GRID2: variants seen among roughly 807,000 people sequenced by gnomAD.
The protein encoded by GRID2 is glutamate ionotropic receptor delta type subunit 2.
GRID2 carries 33 observed loss-of-function variants against 114.8 expected under a neutral mutation model. The ratio of observed to expected loss-of-function variants is 0.29; its 90% confidence interval spans 0.22 to 0.38. GRID2 has a LOEUF of 0.38. Ranked by LOEUF, GRID2 falls within the 10% of genes least tolerant of loss-of-function variation. GRID2 has a pLI of 1.00. For missense variants in GRID2, 1,184 were observed against 1,257.7 expected, an observed-to-expected ratio of 0.94 and a Z score of 0.89; for synonymous variants, 505 against 449.9, an observed-to-expected ratio of 1.12 and a Z score of -1.55.
chr4:93,161,955 TTTGACTATGGC>T (rs1360739024), intron 4 of GRID2, among the ~76,000 whole-genome samples: 1 of 151,896 alleles, frequency 6.6e-6, no homozygotes, highest in African/African-American at 2.4e-5. Context: ...CAATTTTTAT[TTTGACTATGGC>T]AGCAATTTAG....
At chr4:93,572,192 C>T (rs983906706) in intron 13 of GRID2, among the ~76,000 whole-genome samples, 10 of 152,052 alleles carry the variant, frequency 6.6e-5, no homozygotes, top group Non-Finnish European at 1.5e-5. Context: ...ATCGGCAAAA[C>T]TCTTGAACTA....
At chr4:92,794,964 G>C (rs935580433) in intron 2 of GRID2, among the ~76,000 whole-genome samples, 1 of 146,374 alleles carries the variant, frequency 6.8e-6, no homozygotes, top group African/African-American at 2.5e-5. Context: ...CTGGAGAAAA[G>C]AGAACATTAT....
At chr4:92,667,353 G>T (rs1213280863) in intron 2 of GRID2, among the ~76,000 whole-genome samples, 1 of 151,618 alleles carries the variant, frequency 6.6e-6, no homozygotes, top group Admixed American at 6.6e-5. Context: ...CTGGGTAAAA[G>T]TAGAAGTGGG....
intron 8 of GRID2, among the ~76,000 whole-genome samples, chr4:93,242,300 T>C (rs981332811): frequency 4.3e-5 from 6 of 138,278 alleles, no homozygotes; most frequent in Non-Finnish European, 6.2e-5. Flanking sequence ...CTAGGGAATA[T>C]TGAAGAAATG....
intron 2 of GRID2, among the ~76,000 whole-genome samples, chr4:92,756,755 C>A (rs574953877): frequency 8.2e-4 from 125 of 151,946 alleles, no homozygotes; most frequent in African/African-American, 2.8e-3. Flanking sequence ...GGTTTGCATG[C>A]CTTCTTTTGA....
chr4:92,373,495 G>C (rs921431297), intron 1 of GRID2, among the ~76,000 whole-genome samples: 1 of 152,178 alleles, frequency 6.6e-6, no homozygotes, highest in African/African-American at 2.4e-5. Context: ...GCTGTGAGGG[G>C]CTTTTTCTCT....
At chr4:93,011,060 G>T (rs1397987888) in intron 2 of GRID2, among the ~76,000 whole-genome samples, 1 of 150,136 alleles carries the variant, frequency 6.7e-6, no homozygotes, top group Non-Finnish European at 1.5e-5. Flanking sequence ...TTGTTTCACT[G>T]ATTAGAAATA....
intron 2 of GRID2, among the ~76,000 whole-genome samples, chr4:92,861,764 A>G (rs1578332463): frequency 6.6e-6 from 1 of 151,998 alleles, no homozygotes; most frequent in Non-Finnish European, 1.5e-5. Flanking sequence ...AACTAATCAG[A>G]CTACTCTTTA....
intron 2 of GRID2, among the ~76,000 whole-genome samples, chr4:92,905,023 C>T (rs1359413709): frequency 6.6e-6 from 1 of 151,932 alleles, no homozygotes; most frequent in East Asian, 1.9e-4. Context: ...TCTCTTGTGA[C>T]CTTTTAGGAA....
At chr4:92,817,210 A>G (rs1466681700) in intron 2 of GRID2, among the ~76,000 whole-genome samples, 2 of 152,074 alleles carry the variant, frequency 1.3e-5, no homozygotes, top group Non-Finnish European at 2.9e-5. Flanking sequence ...TTAACTGTAA[A>G]TACCAGCAAT....
Position 93,276,232 on chromosome 4 carries a change from T to C in GRID2, c.1245+37742T>C, listed in dbSNP as rs1018199614. ...CTATTCTTTCCCTATGGAATGGTCT[T>C]GGCCCTTTGTTGAAATACAATTGAC... On this transcript the variant is annotated intron_variant, in intron 8 of 15. Transcript: ENST00000282020. Among the ~76,000 whole-genome samples the C allele has an allele frequency of 3.3e-5, 5 of 152,134 alleles. No homozygotes were observed. The East Asian group carries it at 9.7e-4, about 29-fold the overall frequency.
chr4:92,503,976 A>G (rs1256746952), intron 1 of GRID2, among the ~76,000 whole-genome samples: 1 of 152,080 alleles, frequency 6.6e-6, no homozygotes, highest in Non-Finnish European at 1.5e-5. Context: ...ATAAGAAATA[A>G]AAGTATGAAA....
chr4:93,015,006 A>G (rs1722540975), intron 2 of GRID2, among the ~76,000 whole-genome samples: 1 of 152,138 alleles, frequency 6.6e-6, no homozygotes, highest in African/African-American at 2.4e-5. Context: ...GGGAAGAAAG[A>G]GAAAACTTCA....
At chr4:92,626,045 C>T (rs1730505889) in intron 2 of GRID2, among the ~76,000 whole-genome samples, 3 of 151,786 alleles carry the variant, frequency 2.0e-5, no homozygotes, top group African/African-American at 7.3e-5. Flanking sequence ...CTACAAAATA[C>T]CTAAAATACT....
intron 8 of GRID2, among the ~76,000 whole-genome samples, chr4:93,311,344 T>C (rs1755989574): frequency 6.6e-6 from 1 of 152,154 alleles, no homozygotes; most frequent in Non-Finnish European, 1.5e-5. Context: ...GTGGCTGTCT[T>C]GAATAATGAA....
chr4:92,763,174 A>G (rs1264554100), intron 2 of GRID2, among the ~76,000 whole-genome samples: 1 of 152,168 alleles, frequency 6.6e-6, no homozygotes, highest in Non-Finnish European at 1.5e-5. Context: ...GAGTGAACTT[A>G]ATAAAGATCT....
At position 92,448,131 on chromosome 4, in the gene GRID2, T is replaced by G. The variant is rs991332972; in HGVS notation, c.89-142000T>G. On this transcript the variant is annotated intron_variant, in intron 1 of 15. Transcript: ENST00000282020. ...TAGAGTAGTAGTATTGATTTTTATT[T>G]TATGTATGTATGTATGTATGTATGT... Among the ~76,000 whole-genome samples the G allele has an allele frequency of 4.1e-5, 6 of 145,364 alleles. No homozygotes were observed. The East Asian group carries it at 1.0e-3, about 24-fold the overall frequency.
intron 8 of GRID2, chr4:93,318,532 A>G (rs945425874): frequency 6.6e-6 from 1 of 152,160 alleles, no homozygotes; most frequent in African/African-American, 2.4e-5. Context: ...CATTAAGAGG[A>G]GTCTCAAGAA....
At chr4:92,521,609 A>G (rs1272315296) in intron 1 of GRID2, among the ~76,000 whole-genome samples, 1 of 152,020 alleles carries the variant, frequency 6.6e-6, no homozygotes, top group Non-Finnish European at 1.5e-5. Context: ...ATAAATTGGC[A>G]AGAAATCCAA....
Sources: gnomAD v4.1 joint callset for allele counts (sites outside exome capture counted in the v4.1 genomes callset) on GRCh38, gnomAD v4.1.1 for gene constraint, MANE v1.5 for transcripts, NCBI Gene and HGNC (gene_info 2026-07-23, HGNC 2026-07-21) for gene names.